Variants in MAU2 observed in about 807,000 individuals in gnomAD.
The protein encoded by MAU2 is MAU2 chromatid cohesion factor homolog.
In MAU2, 9 loss-of-function variants were observed where a neutral mutation model predicts 89.1. The observed-to-expected ratio is 0.10, with a 90% CI of 0.06 to 0.18. The LOEUF (loss-of-function observed/expected upper bound fraction) is 0.18. MAU2 is among the 10% of genes least tolerant of loss of function. The pLI, the probability that MAU2 is intolerant of heterozygous loss-of-function variation, is 1.00. For synonymous variants in MAU2, 357 were observed against 343.4 expected (o/e 1.04, Z -0.44); for missense variants, 425 against 803.5 (o/e 0.53, Z 5.69).
chr19:19,324,372 G>A (rs1192581416), intron 1 of MAU2, among the ~76,000 whole-genome samples: 1 of 152,190 alleles, frequency 6.6e-6, no homozygotes, highest in African/African-American at 2.4e-5. Context: ...GGGTCATGAT[G>A]AGGCTGAGAT....
intron 16 of MAU2, chr19:19,354,153 G>A (rs1798871852): frequency 3.3e-6 from 2 of 605,584 alleles, no homozygotes; most frequent in Non-Finnish European, 6.0e-6. Context: ...AGTGAGGGCA[G>A]TTTGTTTTTC....
chr19:19,356,507 G>A lies in MAU2; in HGVS notation c.*725G>A, dbSNP rs1370753825. Reference sequence around the variant, plus strand: ...TGTGCGGTGAAGATCTGTGGAGATGGAGCTGGGAGCTGAGGCTCCTGTTGC... The same window carrying A: ...TGTGCGGTGAAGATCTGTGGAGATGAAGCTGGGAGCTGAGGCTCCTGTTGC... On this transcript the variant is annotated 3_prime_UTR_variant, in exon 19 of 19. Coordinates refer to ENST00000262815, the MANE Select transcript of MAU2 (RefSeq NM_015329.4). 5.9e-6 allele frequency: 1 copy of A among 168,598 alleles called. No individual in the cohort carries two copies. Among genetic ancestry groups the A allele is most frequent in the Non-Finnish European group, 1.3e-5 (1 of 77,862 alleles). The allele number at this position is 168,598 out of a possible 1,614,324, so 10.4% of individuals were successfully genotyped here. A position where few individuals can be genotyped will look rare whatever the true frequency, so the allele number is the denominator to read the frequency against.
rs370816857 is a variant in MAU2, at chr19:19,356,428, G to C, written c.*646G>C. ...GCACCTTGACCGGACTCGCCATCCCGCCGTGGGGGTGCAGGTGATTGTAAA... is the reference window on the plus strand; with the variant it reads ...GCACCTTGACCGGACTCGCCATCCCCCCGTGGGGGTGCAGGTGATTGTAAA... On this transcript the variant is annotated 3_prime_UTR_variant, in exon 19 of 19. Transcript: ENST00000262815. 7.6e-6 allele frequency: 2 copies of C among 263,298 alleles called. No homozygotes were observed. Among genetic ancestry groups the C allele is most frequent in the South Asian group, 7.9e-5 (2 of 25,370 alleles). 16.3% of individuals were successfully genotyped at this position (263,298 alleles called of 1,614,324 possible). A position where few individuals can be genotyped will look rare whatever the true frequency, so the allele number is the denominator to read the frequency against.
At chr19:19,343,002 C>A (rs1352504234) in intron 9 of MAU2, 136 bp downstream of exon 9, 2 of 847,824 alleles carry the variant, frequency 2.4e-6, no homozygotes, top group Non-Finnish European at 3.8e-6. Context: ...GGTCTCGTCA[C>A]CCCTAGTTGA....
chr19:19,349,451 C>G lies in MAU2; in HGVS notation c.1548+15C>G. 6.2e-7 allele frequency: 1 copy of G among 1,609,518 alleles called. No homozygotes were observed. The highest frequency in any genetic ancestry group is 8.5e-7 in the Non-Finnish European group (1 of 1,176,744). ...GAAACCACAGGGTGAGTGCCCTGGC[C>G]TGGGCCCCTCGCTTGGGTGCCTGTG... On this transcript the variant is annotated intron_variant, in intron 16 of 18. Transcript: ENST00000262815.
intron 5 of MAU2, 22 bp from the exon 6 acceptor site, chr19:19,340,824 A>AC (rs2061638836): frequency 6.2e-7 from 1 of 1,612,912 alleles, no homozygotes; most frequent in South Asian, 1.1e-5. Context: ...CTAGGACCTG[A>AC]CCCCTGCCTC....
At chr19:19,340,164 CAAAAAAA>C (rs1253222446) in intron 5 of MAU2, among the ~76,000 whole-genome samples, 75 of 84,010 alleles carry the variant, frequency 8.9e-4, no homozygotes, top group African/African-American at 2.7e-3. Flanking sequence ...GACTCCATCT[CAAAAAAA>C]AAAAAAAAAA....
In MAU2 at chr19:19,342,657, G is replaced by A. The variant is rs1163594039; in HGVS notation, c.858G>A (p.Glu286=). Residue 286 remains glutamate (E), a synonymous_variant, in exon 8 of 19, where the codon GAG becomes GAA. Coordinates refer to ENST00000262815, the MANE Select transcript of MAU2 (RefSeq NM_015329.4). The part of the protein sequence containing the change: ...PADLFHWLPK[E]HMCVLVYLVT... ...ACCTCTTCCACTGGCTGCCCAAGGA[G>A]CACATGTGTGTGCTTGTCTACCTGG... 6.2e-7 allele frequency: 1 copy of A among 1,613,150 alleles called. No individual in the cohort carries two copies. The highest frequency in any genetic ancestry group is 8.5e-7 in the Non-Finnish European group (1 of 1,179,648).
rs35824797 is a variant in MAU2 at position 19,345,455 on chromosome 19, C to T, written c.1221+86C>T. ...CGTGGTCTGTGATGAGGACAGCAGT[C>T]GCGCTAGGTCAGCTATGCAAAGCCG... On this transcript the variant is annotated intron_variant, in intron 12 of 18. Transcript: ENST00000262815. The surrounding 1 kb of genome is among the most constrained non-coding windows in gnomAD (Gnocchi z 4.9). The T allele has an allele frequency of 0.079, 103,619 of 1,311,660 alleles. 4,666 individuals carry two copies. The highest frequency in any genetic ancestry group is 0.14 in the Admixed American group (8,090 of 58,528). The allele number at this position is 1,311,660 out of a possible 1,614,324, so 81.3% of individuals were successfully genotyped here. A position where few individuals can be genotyped will look rare whatever the true frequency, so the allele number is the denominator to read the frequency against.
At chr19:19,333,402 C>A (rs1164157246) in intron 1 of MAU2, among the ~76,000 whole-genome samples, 1 of 152,206 alleles carries the variant, frequency 6.6e-6, no homozygotes, top group Non-Finnish European at 1.5e-5. Flanking sequence ...GGGAGGATCA[C>A]TTCAGCCCAG....
Position 19,342,798 on chromosome 19 carries a change from A to T in MAU2, c.905A>T (p.Gln302Leu). Residue 302 changes from glutamine (Q) to leucine (L), a missense_variant, in exon 9 of 19, where the codon CAG (glutamine) becomes CTG (leucine). By Grantham distance (113) the Gln-to-Leu change is moderately radical. Transcript: ENST00000262815. ...VYLVTVMHSM[Q>L]AGYLEKAQKY... ...TAGGTGACTGTGATGCACTCCATGC[A>T]GGCCGGCTACCTGGAGAAGGCGCAG... 1 of 1,614,118 alleles carries T rather than the reference A, an allele frequency of 6.2e-7. No individual in the cohort carries two copies. The highest frequency in any genetic ancestry group is 8.5e-7 in the Non-Finnish European group (1 of 1,179,990).
chr19:19,348,909 G>C lies in MAU2; in HGVS notation c.1329G>C (p.Arg443Ser), dbSNP rs1330590693. 1 of 1,613,916 alleles carries C rather than the reference G, an allele frequency of 6.2e-7. No individual in the cohort carries two copies. Residue 443 changes from arginine (R) to serine (S), a missense_variant, in exon 14 of 19, where the codon AGG becomes AGC. Coordinates refer to ENST00000262815, the MANE Select transcript of MAU2 (RefSeq NM_015329.4). ...HQEVLYSLLE[R>S]INPDHSFPVS... ...CGCAGCTCTACAGTCTGCTGGAGAG[G>C]ATCAACCCGGACCACAGCTTCCCTG...
chr19:19,333,989 G>A (rs1295326259), intron 1 of MAU2, among the ~76,000 whole-genome samples: 2 of 152,194 alleles, frequency 1.3e-5, no homozygotes, highest in Non-Finnish European at 2.9e-5. Context: ...CCCAGCTCTA[G>A]TACGGCTCCT....
At chr19:19,327,514 A>G (rs924242726) in intron 1 of MAU2, among the ~76,000 whole-genome samples, 1 of 151,682 alleles carries the variant, frequency 6.6e-6, no homozygotes, top group Non-Finnish European at 1.5e-5. Context: ...TTTAGTAGAG[A>G]CGGGGTTTCA....
At position 19,344,973 on chromosome 19, in the gene MAU2, A is replaced by G. The variant is rs1249793260; in HGVS notation, c.1155+47A>G. ...CCCCGGGAGAATCCAGAATGTTCTCAGTAAGTAAGTACCTAACCAGATCCA... is the reference window on the plus strand; with the variant it reads ...CCCCGGGAGAATCCAGAATGTTCTCGGTAAGTAAGTACCTAACCAGATCCA... On this transcript the variant is annotated intron_variant, in intron 11 of 18. Transcript: ENST00000262815. 2.6e-6 allele frequency: 4 copies of G among 1,539,868 alleles called. No homozygotes were observed. In the African/African-American group the frequency reaches 4.1e-5, roughly 16 times the overall value.
At chr19:19,334,599 G>C (rs1348144143) in intron 1 of MAU2, 2 of 985,356 alleles carry the variant, frequency 2.0e-6, no homozygotes, top group Non-Finnish European at 2.4e-6. Context: ...TCCCATCTGG[G>C]CAGGTGCTTT....
chr19:19,347,378 G>C lies in MAU2; in HGVS notation c.1308+12G>C. The C allele has an allele frequency of 6.2e-7, 1 of 1,600,370 alleles. No homozygotes were observed. The highest frequency in any genetic ancestry group is 8.6e-7 in the Non-Finnish European group (1 of 1,167,730). ...GACACCAAGAGGTAGTAGGTGACAT[G>C]CTTCATGTTCGGTATCCTTTCTCTC... On this transcript the variant is annotated intron_variant, in intron 13 of 18. Coordinates refer to ENST00000262815, the MANE Select transcript of MAU2 (RefSeq NM_015329.4).
At chr19:19,323,323 T>C (rs2146647385) in intron 1 of MAU2, among the ~76,000 whole-genome samples, 1 of 151,354 alleles carries the variant, frequency 6.6e-6, no homozygotes, top group African/African-American at 2.4e-5. Context: ...GCCTCCCGAG[T>C]AGCTGGGATT....
intron 16 of MAU2, 48 bp from the exon 17 acceptor site, chr19:19,354,307 A>G (rs775329468): frequency 3.3e-6 from 5 of 1,500,278 alleles, no homozygotes; most frequent in Non-Finnish European, 3.7e-6. Context: ...TGGGTTCGGC[A>G]AGTGGGGTCC....
Sources: gnomAD v4.1 joint callset for allele counts (sites outside exome capture counted in the v4.1 genomes callset) on GRCh38, gnomAD v4.1.1 for gene constraint, Gnocchi (gnomAD v3.1) non-coding constraint, MANE v1.5 for transcripts, NCBI Gene and HGNC (gene_info 2026-07-23, HGNC 2026-07-21) for gene names.